NAV3: variants seen among roughly 807,000 people sequenced by gnomAD.
NAV3 encodes neuron navigator 3, also known as pore membrane and/or filament interacting like protein 1.
A neutral mutation model predicts 244.7 loss-of-function variants in NAV3; 87 were observed. The ratio of observed to expected loss-of-function variants is 0.36; its 90% CI spans 0.30 to 0.42. NAV3 has a LOEUF of 0.42. Among genes scored for constraint, NAV3 ranks in the 20% least tolerant of loss-of-function variants. The pLI, the probability that NAV3 is intolerant of heterozygous loss-of-function variation, is 1.00. For synonymous variants in NAV3, 1,126 were observed against 1,042.2 expected, an observed-to-expected ratio of 1.08 and a Z score of -1.55; for missense variants, 2,663 against 2,893.3, an observed-to-expected ratio of 0.92 and a Z score of 1.83.
chr12:77,849,233 AAT>A (rs1217507304), intron 1 of NAV3, among the ~76,000 whole-genome samples: 2 of 140,790 alleles, frequency 1.4e-5, no homozygotes, highest in Admixed American at 1.5e-4. Context: ...TGTTGTATGT[AAT>A]AGTGATTTAA....
chr12:77,975,519 G>A (rs917053993), intron 5 of NAV3, among the ~76,000 whole-genome samples: 1 of 152,170 alleles, frequency 6.6e-6, no homozygotes, highest in Non-Finnish European at 1.5e-5. Context: ...AATGAGGACC[G>A]AGGAAAGTCC....
At chr12:77,697,878 C>G (rs1320686621) in intron 2 of NAV3, among the ~76,000 whole-genome samples, 1 of 152,044 alleles carries the variant, frequency 6.6e-6, no homozygotes, top group Admixed American at 6.6e-5. Context: ...GACACTTGAA[C>G]TGAAACTTGA....
intron 12 of NAV3, among the ~76,000 whole-genome samples, chr12:78,069,937 T>C (rs1952671406): frequency 1.3e-5 from 2 of 152,090 alleles, no homozygotes; most frequent in Non-Finnish European, 2.9e-5. Context: ...TTATAGTTTG[T>C]TGCAATTATG....
intron 1 of NAV3, among the ~76,000 whole-genome samples, chr12:77,929,706 C>T (rs1043804159): frequency 3.3e-5 from 5 of 151,558 alleles, no homozygotes; most frequent in Non-Finnish European, 5.9e-5. Context: ...GATCTCGGCT[C>T]ATTGCAACCT....
intron 24 of NAV3, among the ~76,000 whole-genome samples, chr12:78,173,367 G>C (rs1395637990): frequency 2.0e-5 from 3 of 151,536 alleles, no homozygotes; most frequent in Non-Finnish European, 4.4e-5. Flanking sequence ...TATTAAAGAA[G>C]TCAAACACAA....
chr12:78,168,823 G>A lies in NAV3; in HGVS notation c.4938G>A (p.Ala1646=), dbSNP rs374254087. ...AGGCTCAGAATTCTGCTGCCCAGGC[G>A]GCTATTCAGGGAGCACTGAATGGTC... ...MLKAQNSAAQ[A]AIQGALNGPD... The change falls in exon 24 of 40, where the codon GCG becomes GCA. Residue 1646 remains alanine, a synonymous_variant. Coordinates refer to ENST00000397909, the MANE Select transcript of NAV3 (RefSeq NM_001024383.2). 5.7e-5 allele frequency: 91 copies of A among 1,610,462 alleles called. No individual in the cohort carries two copies. Among genetic ancestry groups the A allele is most frequent in the Admixed American group, 1.0e-4 (6 of 59,698 alleles).
chr12:78,019,290 C>A (rs1244930971), intron 8 of NAV3, among the ~76,000 whole-genome samples: 10 of 152,042 alleles, frequency 6.6e-5, no homozygotes, highest in Admixed American at 5.9e-4. Flanking sequence ...ATGTTTTACC[C>A]ACCAATAATT....
At chr12:78,148,689 G>C in intron 21 of NAV3, 153 bp from the exon 22 acceptor site, 1 of 610,888 alleles carries the variant, frequency 1.6e-6, no homozygotes, top group Non-Finnish European at 2.9e-6. Context: ...TGTTACTGTG[G>C]AGTCAGTGTT....
intron 2 of NAV3, among the ~76,000 whole-genome samples, chr12:77,736,626 A>G (rs77051531): frequency 0.018 from 2,679 of 152,278 alleles, 91 homozygotes; most frequent in African/African-American, 0.061. Context: ...GCAAAAATTT[A>G]GACTTGGCAC....
intron 2 of NAV3, among the ~76,000 whole-genome samples, chr12:77,786,095 T>A (rs1870892271): frequency 6.6e-6 from 1 of 152,190 alleles, no homozygotes; most frequent in Admixed American, 6.5e-5. Flanking sequence ...GTAAAAATCC[T>A]TGCAGTTAAG....
At chr12:77,887,236 A>G (rs1452546892) in intron 1 of NAV3, among the ~76,000 whole-genome samples, 1 of 152,142 alleles carries the variant, frequency 6.6e-6, no homozygotes, top group Non-Finnish European at 1.5e-5. Flanking sequence ...ACCATTCCAT[A>G]TAGTTTTGCT....
chr12:77,714,757 C>A (rs1486547324), intron 2 of NAV3, among the ~76,000 whole-genome samples: 1 of 151,986 alleles, frequency 6.6e-6, no homozygotes, highest in African/African-American at 2.4e-5. Context: ...AGGAAATTTG[C>A]AAAGACATTT....
Position 78,119,303 on chromosome 12 carries a change from G to T in NAV3, c.3107G>T (p.Arg1036Ile). Residue 1036 changes from arginine (R) to isoleucine (I), a missense_variant, in exon 15 of 40, where the codon AGA (arginine) becomes ATA (isoleucine). Coordinates refer to ENST00000397909, the MANE Select transcript of NAV3 (RefSeq NM_001024383.2). Reference protein sequence around the residue: ...KAPLKGSSLQRSPSDAGKSSG... With the variant: ...KAPLKGSSLQISPSDAGKSSG... ...CCCCTAAAAGGATCATCTCTACAAA[G>T]ATCTCCTTCAGATGCAGGAAAAAGC... is the stretch of plus-strand genomic sequence containing the variant. The T allele has an allele frequency of 6.2e-7, 1 of 1,614,158 alleles. No homozygotes were observed. The highest frequency in any genetic ancestry group is 8.5e-7 in the Non-Finnish European group (1 of 1,180,028).
chr12:78,138,887 C>T (rs1956486437), intron 19 of NAV3, among the ~76,000 whole-genome samples: 1 of 152,080 alleles, frequency 6.6e-6, no homozygotes, highest in African/African-American at 2.4e-5. Context: ...AAATGGCGAT[C>T]TAGATTCAAG....
chr12:77,597,142 A>G (rs1870205733), intron 2 of NAV3, among the ~76,000 whole-genome samples: 1 of 152,156 alleles, frequency 6.6e-6, no homozygotes, highest in African/African-American at 2.4e-5. Flanking sequence ...TCTCACATGC[A>G]ATGTTGAAGA....
At position 78,007,280 on chromosome 12, in the gene NAV3, C is replaced by A. The variant is rs750800578; in HGVS notation, c.1742C>A (p.Ala581Asp). ...AAAGCAAGTGCTTCTAGTTGTCCTG[C>A]CCCTTTGGAAGGAAGGGAAGCTGGC... The part of the protein sequence containing the change: ...MEKASASSCP[A>D]PLEGREAGQA... Residue 581 changes from alanine to aspartate, a missense_variant, in exon 8 of 40, where the codon GCC becomes GAC. Transcript: ENST00000397909. 4.3e-6 allele frequency: 7 copies of A among 1,614,180 alleles called. No homozygotes were observed. In the Admixed American group the frequency reaches 1.2e-4, roughly 27 times the overall value.
intron 1 of NAV3, among the ~76,000 whole-genome samples, chr12:77,911,297 G>T (rs902789342): frequency 6.6e-6 from 1 of 152,116 alleles, no homozygotes; most frequent in South Asian, 2.1e-4. Context: ...TTCCCTTAAA[G>T]AACTGGATTA....
chr12:78,182,387 G>T (rs143491252), intron 30 of NAV3, among the ~76,000 whole-genome samples: 107 of 152,050 alleles, frequency 7.0e-4, no homozygotes, highest in African/African-American at 2.5e-3. Context: ...TGCATTTCTG[G>T]ATCCTCAGGC....
At chr12:77,757,288 G>T (rs1869231210) in intron 2 of NAV3, among the ~76,000 whole-genome samples, 1 of 152,134 alleles carries the variant, frequency 6.6e-6, no homozygotes, top group African/African-American at 2.4e-5. Flanking sequence ...ACATAGTCAA[G>T]CCTGAAGATA....
Sources: gnomAD v4.1 joint callset for allele counts (sites outside exome capture counted in the v4.1 genomes callset) on GRCh38, gnomAD v4.1.1 for gene constraint, MANE v1.5 for transcripts, NCBI Gene and HGNC (gene_info 2026-07-23, HGNC 2026-07-21) for gene names.